Variants in AFAP1L1 observed in about 807,000 individuals in gnomAD.
AFAP1L1 encodes actin filament-associated protein 1-like 1.
AFAP1L1 carries 77 observed loss-of-function variants against 99.8 expected under a neutral mutation model. The observed-to-expected ratio is 0.77, with a 90% confidence interval of 0.64 to 0.93. The LOEUF is 0.93. Ranked by LOEUF, AFAP1L1 falls within the 40% of genes least tolerant of loss-of-function variation. The probability of loss-of-function intolerance (pLI) is 0.00; values close to 1 mark genes in which losing one functional copy is unlikely to be tolerated. For missense variants in AFAP1L1, 893 were observed against 996.8 expected (o/e 0.90, Z 1.40); for synonymous variants, 373 against 395.3 (o/e 0.94, Z 0.67).
intron 1 of AFAP1L1, among the ~76,000 whole-genome samples, chr5:149,278,466 C>T (rs1444308036): frequency 6.6e-6 from 1 of 151,996 alleles, no homozygotes; most frequent in African/African-American, 2.4e-5. Context: ...GATGTATTCT[C>T]CTAATTTGCA....
At chr5:149,309,192 T>G (rs1367198906) in intron 7 of AFAP1L1, among the ~76,000 whole-genome samples, 1 of 152,196 alleles carries the variant, frequency 6.6e-6, no homozygotes, top group African/African-American at 2.4e-5. Flanking sequence ...TCCTTATTAT[T>G]ACATTAAGGA....
At chr5:149,335,349 C>G (rs754986452) in intron 17 of AFAP1L1, among the ~76,000 whole-genome samples, 1 of 152,004 alleles carries the variant, frequency 6.6e-6, no homozygotes, top group Non-Finnish European at 1.5e-5. Flanking sequence ...TTAGCCAGGC[C>G]TGGTGGTACA....
At chr5:149,307,286 G>A in intron 6 of AFAP1L1, 116 bp from the exon 7 acceptor site, 1 of 1,071,918 alleles carries the variant, frequency 9.3e-7, no homozygotes, top group Admixed American at 1.9e-5. Flanking sequence ...CCAGTGTCAT[G>A]CCTAATGCCC....
intron 16 of AFAP1L1, among the ~76,000 whole-genome samples, chr5:149,330,954 A>T (rs1023636122): frequency 1.3e-5 from 2 of 151,734 alleles, no homozygotes; most frequent in Admixed American, 6.6e-5. Context: ...TTGCATTAAA[A>T]TTTTTTTTTA....
chr5:149,275,974 C>T (rs1755308632), intron 1 of AFAP1L1, among the ~76,000 whole-genome samples: 1 of 152,240 alleles, frequency 6.6e-6, no homozygotes, highest in Non-Finnish European at 1.5e-5. Flanking sequence ...TCCATAACAA[C>T]AAGCTTAGGT....
intron 1 of AFAP1L1, among the ~76,000 whole-genome samples, chr5:149,272,375 G>A (rs374011372): frequency 3.9e-5 from 6 of 152,246 alleles, no homozygotes; most frequent in Non-Finnish European, 8.8e-5. Flanking sequence ...AGCCCCTAGG[G>A]AGAAGCTCTA....
intron 1 of AFAP1L1, among the ~76,000 whole-genome samples, chr5:149,285,402 A>G (rs1324675333): frequency 6.6e-6 from 1 of 152,242 alleles, no homozygotes; most frequent in Non-Finnish European, 1.5e-5. Context: ...TACAGTCTTC[A>G]TACATTGTCT....
intron 18 of AFAP1L1, among the ~76,000 whole-genome samples, chr5:149,339,178 C>CTTT (rs35468603): frequency 3.7e-4 from 47 of 126,098 alleles, no homozygotes; most frequent in Non-Finnish European, 5.1e-4. Flanking sequence ...CCCAATAAAG[C>CTTT]TTTTTTTTTT....
In AFAP1L1 at chr5:149,315,919, G is replaced by A. The variant is rs561211277; in HGVS notation, c.1114+5G>A. The A allele has an allele frequency of 8.1e-6, 13 of 1,614,100 alleles. No individual in the cohort carries two copies. In the South Asian group the frequency reaches 1.2e-4, roughly 15 times the overall value. ...GCCGGGAGACCTGTGATCACGGTAG[G>A]AGCCTCTGGGGGCTCAGGCTGGGGA... is the stretch of plus-strand genomic sequence containing the variant. On this transcript the variant is annotated splice_donor_5th_base_variant and intron_variant, in intron 10 of 18. Transcript: ENST00000296721.
At chr5:149,280,511 A>T (rs1190091843) in intron 1 of AFAP1L1, among the ~76,000 whole-genome samples, 3 of 151,186 alleles carry the variant, frequency 2.0e-5, no homozygotes, top group African/African-American at 7.3e-5. Context: ...GGTGATTCTG[A>T]TGTTCACACA....
intron 1 of AFAP1L1, among the ~76,000 whole-genome samples, chr5:149,298,927 G>A (rs1756099091): frequency 1.3e-5 from 2 of 152,216 alleles, no homozygotes; most frequent in Admixed American, 6.5e-5. Context: ...ACTCAAGTTT[G>A]AGAAGCATTG....
intron 1 of AFAP1L1, among the ~76,000 whole-genome samples, chr5:149,298,544 A>G (rs1486698843): frequency 2.0e-5 from 3 of 152,216 alleles, no homozygotes; most frequent in Non-Finnish European, 2.9e-5. Context: ...AAATGAGACA[A>G]TAAAATGTAA....
At chr5:149,285,810 C>T (rs1755661240) in intron 1 of AFAP1L1, among the ~76,000 whole-genome samples, 1 of 152,216 alleles carries the variant, frequency 6.6e-6, no homozygotes. Context: ...TTCTCCCACT[C>T]CCAAAGAGCC....
intron 1 of AFAP1L1, among the ~76,000 whole-genome samples, chr5:149,293,473 TTAAA>T (rs1417472447): frequency 9.9e-5 from 15 of 152,212 alleles, no homozygotes; most frequent in Non-Finnish European, 2.1e-4. Context: ...CATAACTAAG[TTAAA>T]TAACCTCTTG....
chr5:149,279,117 G>A lies in AFAP1L1; in HGVS notation c.16+7133G>A, dbSNP rs1017025155. Among the ~76,000 whole-genome samples the A allele has an allele frequency of 2.6e-5, 4 of 152,200 alleles. No homozygotes were observed. In the East Asian group the frequency reaches 5.8e-4, roughly 22 times the overall value. The stretch of plus-strand genomic sequence containing the variant: ...CAACTCAACCACATGAGAAGTTATT[G>A]AAGGAAATGGGGGTGTTTGTGAGCA... On this transcript the variant is annotated intron_variant, in intron 1 of 18. Coordinates refer to ENST00000296721, the MANE Select transcript of AFAP1L1 (RefSeq NM_152406.4).
At chr5:149,294,412 AAAATT>A (rs1755956873) in intron 1 of AFAP1L1, among the ~76,000 whole-genome samples, 2 of 152,220 alleles carry the variant, frequency 1.3e-5, no homozygotes, top group Admixed American at 6.5e-5. Flanking sequence ...TGAATTCTCT[AAAATT>A]AAAGATGAAG....
At chr5:149,278,390 C>G (rs1419558899) in intron 1 of AFAP1L1, among the ~76,000 whole-genome samples, 1 of 151,966 alleles carries the variant, frequency 6.6e-6, no homozygotes. Flanking sequence ...AAAGTCTAGC[C>G]TTTCACCTCC....
intron 9 of AFAP1L1, 136 bp downstream of exon 9, chr5:149,312,340 C>T: frequency 1.2e-6 from 1 of 807,860 alleles, no homozygotes; most frequent in Non-Finnish European, 2.2e-6. Context: ...AGAGCTGGCA[C>T]AACAGTAGGT....
intron 9 of AFAP1L1, among the ~76,000 whole-genome samples, chr5:149,313,288 T>C (rs1184388907): frequency 2.0e-5 from 3 of 152,148 alleles, no homozygotes. Context: ...CTTAAGGAGA[T>C]TACAGTCAAG....
Sources: allele counts gnomAD v4.1 joint callset (sites outside exome capture counted in the v4.1 genomes callset), GRCh38; gene constraint gnomAD v4.1.1; transcripts MANE v1.5; gene names NCBI Gene and HGNC (gene_info 2026-07-23, HGNC 2026-07-21).